STARD13: variants seen among roughly 807,000 people sequenced by gnomAD.
The protein encoded by STARD13 is StAR related lipid transfer domain containing 13.
A neutral mutation model predicts 106.4 loss-of-function variants in STARD13; 62 were observed. That is an observed-to-expected ratio of 0.58 (90% CI 0.48 to 0.72). The LOEUF (loss-of-function observed/expected upper bound fraction) is 0.72. Ranked by LOEUF, STARD13 falls within the 30% of genes least tolerant of loss-of-function variation. STARD13 has a pLI of 0.00. For synonymous variants in STARD13, 565 were observed against 553.0 expected, an observed-to-expected ratio of 1.02 and a Z score of -0.31; for missense variants, 1,387 against 1,424.0, an observed-to-expected ratio of 0.97 and a Z score of 0.42.
chr13:33,624,402 CTG>C, the STARD13 span, among the ~76,000 whole-genome samples: 6 of 152,264 alleles, frequency 3.9e-5, no homozygotes, highest in African/African-American at 1.4e-4. Flanking sequence ...GGCACTGCCT[CTG>C]TGCTTTTCAG....
chr13:33,649,657 CTCAAAACACTTGATG>C, the STARD13 span, among the ~76,000 whole-genome samples: 5 of 152,242 alleles, frequency 3.3e-5, no homozygotes, highest in African/African-American at 9.6e-5. Flanking sequence ...ATTACCTTTC[CTCAAAACACTTGATG>C]TCAAAACACT....
At chr13:33,242,218 C>T (rs976747771) in intron 1 of STARD13, among the ~76,000 whole-genome samples, 3 of 152,194 alleles carry the variant, frequency 2.0e-5, no homozygotes, top group Non-Finnish European at 4.4e-5. Context: ...TGGGGGGCAG[C>T]CCCCACCCGG....
intron 1 of STARD13, among the ~76,000 whole-genome samples, chr13:33,210,387 C>A (rs1047380040): frequency 1.3e-5 from 2 of 152,112 alleles, no homozygotes; most frequent in African/African-American, 4.8e-5. Flanking sequence ...GCACTTAATG[C>A]CCAAATGCCT....
chr13:33,641,989 A>G, the STARD13 span, among the ~76,000 whole-genome samples: 419 of 152,344 alleles, frequency 2.8e-3, 1 homozygote, highest in African/African-American at 9.2e-3. Context: ...TTATCTACCA[A>G]TGGTGGTGCT....
At chr13:33,625,063 C>T in the STARD13 span, among the ~76,000 whole-genome samples, 1 of 152,210 alleles carries the variant, frequency 6.6e-6, no homozygotes, top group South Asian at 2.1e-4. Flanking sequence ...AGTTCTTTTG[C>T]TTCCTGTCCC....
the STARD13 span, among the ~76,000 whole-genome samples, chr13:33,422,880 C>T: frequency 6.6e-6 from 1 of 152,162 alleles, no homozygotes; most frequent in African/African-American, 2.4e-5. Context: ...GCTGGGAAAA[C>T]TGGCCAGCCA....
At chr13:33,388,098 A>C in the STARD13 span, among the ~76,000 whole-genome samples, 2 of 152,154 alleles carry the variant, frequency 1.3e-5, no homozygotes, top group African/African-American at 4.8e-5. Flanking sequence ...TAAGGTGGGG[A>C]CTGCAACATA....
At chr13:33,189,426 C>T (rs1403326789) in intron 1 of STARD13, among the ~76,000 whole-genome samples, 1 of 19,066 alleles carries the variant, frequency 5.2e-5, no homozygotes, top group African/African-American at 1.2e-4. Flanking sequence ...TTCCCTCCTT[C>T]CTCCTTTCGG....
the STARD13 span, among the ~76,000 whole-genome samples, chr13:33,571,283 A>G: frequency 6.6e-6 from 1 of 152,190 alleles, no homozygotes; most frequent in Non-Finnish European, 1.5e-5. Flanking sequence ...GCCCTATCAC[A>G]ATTATCAAAG....
intron 12 of STARD13, among the ~76,000 whole-genome samples, chr13:33,108,719 A>G (rs546523303): frequency 6.6e-6 from 1 of 152,278 alleles, no homozygotes; most frequent in African/African-American, 2.4e-5. Context: ...TTCTACACAC[A>G]GACTCAGGCC....
intron 9 of STARD13, 147 bp from the exon 10 acceptor site, chr13:33,112,039 A>G (rs1315586300): frequency 1.5e-5 from 9 of 590,224 alleles, no homozygotes; most frequent in Admixed American, 2.8e-5. Context: ...ATGATCACAT[A>G]TCTTAGATAT....
intron 1 of STARD13, among the ~76,000 whole-genome samples, chr13:33,315,533 A>G (rs1893298945): frequency 6.6e-6 from 1 of 152,224 alleles, no homozygotes; most frequent in Non-Finnish European, 1.5e-5. Flanking sequence ...GTTAGCATCC[A>G]CTGACAGCAA....
At chr13:33,152,199 A>G (rs1881373814) in intron 3 of STARD13, among the ~76,000 whole-genome samples, 1 of 152,238 alleles carries the variant, frequency 6.6e-6, no homozygotes. Context: ...TGGGCCAAGG[A>G]AGGGAGCCAG....
chr13:33,116,459 T>A (rs1382794308), intron 8 of STARD13, among the ~76,000 whole-genome samples: 1 of 152,250 alleles, frequency 6.6e-6, no homozygotes. Context: ...TCCATCCATA[T>A]GCTCTGCCAT....
intron 1 of STARD13, among the ~76,000 whole-genome samples, chr13:33,296,602 C>T (rs1892505326): frequency 6.6e-6 from 1 of 152,116 alleles, no homozygotes; most frequent in Non-Finnish European, 1.5e-5. Flanking sequence ...AACCACCATT[C>T]TACTCTCTGC....
the STARD13 span, among the ~76,000 whole-genome samples, chr13:33,400,606 G>C: frequency 6.6e-6 from 1 of 152,026 alleles, no homozygotes; most frequent in East Asian, 1.9e-4. Context: ...GACTACAGGC[G>C]CCCGCCACCA....
the STARD13 span, among the ~76,000 whole-genome samples, chr13:33,571,909 A>G: frequency 6.6e-6 from 1 of 152,202 alleles, no homozygotes; most frequent in African/African-American, 2.4e-5. Context: ...AGAAAACCCC[A>G]CTGCAAGGAT....
chr13:33,614,933 G>GT, the STARD13 span, among the ~76,000 whole-genome samples: 1 of 152,186 alleles, frequency 6.6e-6, no homozygotes. Flanking sequence ...CATTCTAAAT[G>GT]TTTTTGGAAA....
the STARD13 span, among the ~76,000 whole-genome samples, chr13:33,386,361 G>T: frequency 3.9e-5 from 6 of 151,992 alleles, no homozygotes. Flanking sequence ...CCTTCCTCAG[G>T]GGCTCCAGGA....
Sources: gnomAD v4.1 joint callset for allele counts (sites outside exome capture counted in the v4.1 genomes callset) on GRCh38, gnomAD v4.1.1 for gene constraint, MANE v1.5 for transcripts, NCBI Gene and HGNC (gene_info 2026-07-23, HGNC 2026-07-21) for gene names.